The following GPC5 variants were observed in gnomAD, a reference collection of about 807,000 sequenced individuals.
The protein encoded by GPC5 is glypican-5.
GPC5 carries 47 observed loss-of-function variants against 53.9 expected under a neutral mutation model. That is an observed-to-expected ratio of 0.87 (90% CI 0.69 to 1.11). The LOEUF is 1.11. GPC5 is among the 50% of genes most tolerant of loss of function. The pLI is 0.00. For missense variants in GPC5, 748 were observed against 713.1 expected (o/e 1.05, Z -0.56); for synonymous variants, 286 against 263.3 (o/e 1.09, Z -0.84).
chr13:92,271,152 T>C (rs1440947075), intron 7 of GPC5, among the ~76,000 whole-genome samples: 1 of 152,210 alleles, frequency 6.6e-6, no homozygotes, highest in Non-Finnish European at 1.5e-5. Flanking sequence ...AAGTATGTGA[T>C]TTCTCCTTTG....
At chr13:92,327,724 G>T (rs1240928986) in intron 7 of GPC5, among the ~76,000 whole-genome samples, 3 of 152,062 alleles carry the variant, frequency 2.0e-5, no homozygotes, top group Non-Finnish European at 1.5e-5. Flanking sequence ...GCTACAGATG[G>T]CTCCCAATTT....
intron 2 of GPC5, among the ~76,000 whole-genome samples, chr13:91,669,547 A>G (rs977240533): frequency 1.3e-5 from 2 of 151,944 alleles, no homozygotes; most frequent in East Asian, 1.9e-4. Context: ...CATTATGTCA[A>G]CTACAGGAAG....
intron 2 of GPC5, among the ~76,000 whole-genome samples, chr13:91,692,823 T>A (rs2035784364): frequency 6.6e-6 from 1 of 152,146 alleles, no homozygotes; most frequent in Admixed American, 6.5e-5. Flanking sequence ...TTTGTATTTT[T>A]AATAGAGAGG....
chr13:91,566,346 A>G (rs1432789752), intron 2 of GPC5, among the ~76,000 whole-genome samples: 1 of 152,060 alleles, frequency 6.6e-6, no homozygotes, highest in African/African-American at 2.4e-5. Flanking sequence ...TGGGCAGATC[A>G]CGAGGTCAAG....
intron 7 of GPC5, among the ~76,000 whole-genome samples, chr13:92,539,421 T>C (rs1208212234): frequency 6.6e-6 from 1 of 152,166 alleles, no homozygotes; most frequent in East Asian, 1.9e-4. Flanking sequence ...TGATGACCAG[T>C]GATGATGAGC....
At position 92,685,543 on chromosome 13, in the gene GPC5, C is replaced by CATTTTTTTTTTTTTA. The variant is rs1555302888; in HGVS notation, c.1562-180725_1562-180724insAATTTTTTTTTTTTT. On this transcript the variant is annotated intron_variant, in intron 7 of 7. Transcript: ENST00000377067. ...CAAGTTATTTATGAAAAATTATGCT[C>CATTTTTTTTTTTTTA]ATTTTTTTTTTTTTTAATTTTTTTT... is the stretch of plus-strand genomic sequence containing the variant. Among the ~76,000 whole-genome samples, 504 of 64,962 alleles carry CATTTTTTTTTTTTTA rather than the reference C, an allele frequency of 7.8e-3. 8 individuals carry two copies. The East Asian group carries it at 0.16, about 20-fold the overall frequency. 42.6% of individuals were successfully genotyped at this position (64,962 alleles called of 152,430 possible).
intron 7 of GPC5, among the ~76,000 whole-genome samples, chr13:92,585,242 A>G (rs1874764091): frequency 6.6e-6 from 1 of 152,148 alleles, no homozygotes; most frequent in South Asian, 2.1e-4. Flanking sequence ...CCCAAGATGG[A>G]GGCTATACCC....
intron 6 of GPC5, among the ~76,000 whole-genome samples, chr13:91,953,441 C>T (rs923519247): frequency 6.6e-6 from 1 of 151,702 alleles, no homozygotes; most frequent in Middle Eastern, 3.2e-3. Flanking sequence ...TAGTAGCTAC[C>T]GAGTATGTAC....
At chr13:92,613,342 TTATATATAA>T (rs1566320090) in intron 7 of GPC5, among the ~76,000 whole-genome samples, 1 of 101,748 alleles carries the variant, frequency 9.8e-6, no homozygotes. Flanking sequence ...TATAATATAT[TTATATATAA>T]ATATATAATA....
chr13:92,613,397 ATATAT>A (rs1209335194), intron 7 of GPC5, among the ~76,000 whole-genome samples: 44 of 69,680 alleles, frequency 6.3e-4, no homozygotes, highest in African/African-American at 1.8e-3. Flanking sequence ...ATATATAAAT[ATATAT>A]TATATTATAT....
chr13:91,468,594 C>T (rs1291977054), intron 2 of GPC5, among the ~76,000 whole-genome samples: 3 of 152,100 alleles, frequency 2.0e-5, no homozygotes, highest in African/African-American at 4.8e-5. Context: ...AACAGTTCTC[C>T]TTCACAGCCT....
At chr13:91,648,646 G>A (rs1242618360) in intron 2 of GPC5, among the ~76,000 whole-genome samples, 1 of 152,088 alleles carries the variant, frequency 6.6e-6, no homozygotes, top group Non-Finnish European at 1.5e-5. Context: ...AATAGTTACT[G>A]TTAACTTTTT....
At position 92,851,887 on chromosome 13, in the gene GPC5, CAA is replaced by C. The variant is rs71202563; in HGVS notation, c.1562-14375_1562-14374del. ...TGAGTGACAGAGCAAGACTCCGTCTCAAAAAAAAAAAAAAAAAAAAAGAATAG... is the reference window on the plus strand; with the variant it reads ...TGAGTGACAGAGCAAGACTCCGTCTCAAAAAAAAAAAAAAAAAAAGAATAG... On this transcript the variant is annotated intron_variant, in intron 7 of 7. Coordinates refer to ENST00000377067, the MANE Select transcript of GPC5 (RefSeq NM_004466.6). Among the ~76,000 whole-genome samples the C allele has an allele frequency of 1.9e-3, 112 of 59,174 alleles. No homozygotes were observed. The South Asian group carries it at 0.033, about 18-fold the overall frequency. 38.8% of individuals were successfully genotyped at this position (59,174 alleles called of 152,430 possible). A position where few individuals can be genotyped will look rare whatever the true frequency, so the allele number is the denominator to read the frequency against.
Position 91,679,301 on chromosome 13 carries a change from A to C in GPC5, c.326-13886A>C, listed in dbSNP as rs540979313. On this transcript the variant is annotated intron_variant, in intron 2 of 7. Transcript: ENST00000377067. ...ATGACTCACTGGACGTGGGCAATAA[A>C]AGTTCTAAGACTTTGAGTCCAGATG... Among the ~76,000 whole-genome samples, 8 of 152,282 alleles carry C rather than the reference A, an allele frequency of 5.3e-5. 1 individual carries two copies. The highest frequency in any genetic ancestry group is 2.6e-4 in the Admixed American group (4 of 15,288).
chr13:91,888,245 G>A (rs1223665983), intron 5 of GPC5, among the ~76,000 whole-genome samples: 2 of 152,038 alleles, frequency 1.3e-5, no homozygotes, highest in Admixed American at 1.3e-4. Flanking sequence ...ACTTATTCAC[G>A]ATCACAAGAA....
At chr13:91,997,981 A>G (rs539774599) in intron 6 of GPC5, among the ~76,000 whole-genome samples, 7 of 152,356 alleles carry the variant, frequency 4.6e-5, no homozygotes, top group African/African-American at 1.7e-4. Flanking sequence ...ATCATTTTCT[A>G]AAAGCTTTGT....
chr13:92,522,465 G>A (rs557108812), intron 7 of GPC5, among the ~76,000 whole-genome samples: 1 of 152,156 alleles, frequency 6.6e-6, no homozygotes, highest in Non-Finnish European at 1.5e-5. Context: ...CATGTCCTGT[G>A]TAGGGGCATG....
chr13:92,019,556 G>T (rs1412253248), intron 6 of GPC5, among the ~76,000 whole-genome samples: 1 of 152,004 alleles, frequency 6.6e-6, no homozygotes, highest in Non-Finnish European at 1.5e-5. Context: ...ATGTTTCTCT[G>T]TGTCTAAGTG....
At chr13:91,432,375 C>T (rs1879559183) in intron 1 of GPC5, among the ~76,000 whole-genome samples, 1 of 152,122 alleles carries the variant, frequency 6.6e-6, no homozygotes, top group Admixed American at 6.6e-5. Context: ...AATTAATGAA[C>T]ACAGAAAACA....
Sources: gnomAD v4.1 joint callset for allele counts (sites outside exome capture counted in the v4.1 genomes callset) on GRCh38, gnomAD v4.1.1 for gene constraint, MANE v1.5 for transcripts, NCBI Gene and HGNC (gene_info 2026-07-23, HGNC 2026-07-21) for gene names.